PAPPA2: variants seen among roughly 807,000 people sequenced by gnomAD.
PAPPA2 encodes pappalysin-2.
PAPPA2 carries 86 observed loss-of-function variants against 176.4 expected under a neutral mutation model. The ratio of observed to expected loss-of-function variants is 0.49; its 90% confidence interval spans 0.41 to 0.58. PAPPA2 has a LOEUF of 0.58. Among genes scored for constraint, PAPPA2 ranks in the 20% least tolerant of loss-of-function variants. PAPPA2 has a pLI of 0.00. For synonymous variants in PAPPA2, 809 were observed against 852.2 expected, an observed-to-expected ratio of 0.95 and a Z score of 0.88; for missense variants, 2,073 against 2,256.9, an observed-to-expected ratio of 0.92 and a Z score of 1.65.
chr1:176,762,172 GA>G (rs1397035137), intron 14 of PAPPA2, among the ~76,000 whole-genome samples: 1 of 151,262 alleles, frequency 6.6e-6, no homozygotes, highest in African/African-American at 2.4e-5. Context: ...GAAGCAAATG[GA>G]AATATAAGCT....
chr1:176,514,794 G>C (rs760689954), intron 1 of PAPPA2, among the ~76,000 whole-genome samples: 1 of 152,342 alleles, frequency 6.6e-6, no homozygotes, highest in East Asian at 1.9e-4. Context: ...GCAGAAATGC[G>C]ATGACAAAGC....
chr1:176,790,167 G>A (rs1020661051), intron 18 of PAPPA2, among the ~76,000 whole-genome samples, 190 bp downstream of exon 18: 9 of 152,172 alleles, frequency 5.9e-5, no homozygotes, highest in Non-Finnish European at 1.3e-4. Flanking sequence ...TCTCTCCTGA[G>A]TTCAGAACTT....
intron 4 of PAPPA2, among the ~76,000 whole-genome samples, chr1:176,682,164 G>A (rs564954374): frequency 1.1e-4 from 17 of 152,306 alleles, no homozygotes; most frequent in African/African-American, 4.1e-4. Flanking sequence ...ACTATCCACT[G>A]ATATAGTAAG....
At chr1:176,607,485 G>A (rs1270949272) in intron 3 of PAPPA2, among the ~76,000 whole-genome samples, 2 of 152,148 alleles carry the variant, frequency 1.3e-5, no homozygotes, top group African/African-American at 4.8e-5. Context: ...GTCTGAGTTA[G>A]TTCACTTAAT....
At chr1:176,771,490 A>G (rs912649670) in intron 17 of PAPPA2, among the ~76,000 whole-genome samples, 1 of 152,184 alleles carries the variant, frequency 6.6e-6, no homozygotes, top group African/African-American at 2.4e-5. Flanking sequence ...CCAGTTTACA[A>G]TTGCAGGCCT....
chr1:176,490,924 C>T (rs1036928193), intron 1 of PAPPA2, among the ~76,000 whole-genome samples: 4 of 152,206 alleles, frequency 2.6e-5, no homozygotes, highest in Admixed American at 6.5e-5. Flanking sequence ...TATGGACTAA[C>T]TTACCTACCA....
At chr1:176,531,524 C>T (rs780154539) in intron 1 of PAPPA2, among the ~76,000 whole-genome samples, 2 of 152,178 alleles carry the variant, frequency 1.3e-5, no homozygotes, top group Non-Finnish European at 2.9e-5. Flanking sequence ...TAGTATTTGT[C>T]TGTTTCAAGT....
intron 7 of PAPPA2, among the ~76,000 whole-genome samples, chr1:176,697,451 CTT>C (rs1660438247): frequency 6.6e-6 from 1 of 152,102 alleles, no homozygotes; most frequent in Admixed American, 6.6e-5. Context: ...AAATACTAGT[CTT>C]TGCTTTGAAA....
chr1:176,835,033 T>A (rs1667220300), intron 21 of PAPPA2, among the ~76,000 whole-genome samples: 1 of 152,162 alleles, frequency 6.6e-6, no homozygotes, highest in Non-Finnish European at 1.5e-5. Context: ...TGACCATTTC[T>A]TTGTCTCTGT....
chr1:176,551,356 C>T (rs79121489), intron 1 of PAPPA2, among the ~76,000 whole-genome samples: 3,466 of 152,226 alleles, frequency 0.023, 49 homozygotes, highest in Middle Eastern at 0.041. Context: ...ATATAGATTC[C>T]GCATTTGGTT....
chr1:176,764,654 T>C (rs891004331), intron 14 of PAPPA2, among the ~76,000 whole-genome samples: 15 of 151,220 alleles, frequency 9.9e-5, no homozygotes, highest in African/African-American at 3.7e-4. Flanking sequence ...TGGAGTGCAG[T>C]GGCGAGATCT....
intron 1 of PAPPA2, among the ~76,000 whole-genome samples, chr1:176,550,262 C>T (rs1232217741): frequency 2.0e-5 from 3 of 152,130 alleles, no homozygotes; most frequent in Non-Finnish European, 4.4e-5. Flanking sequence ...TTTGCATTCA[C>T]GTTGTTGTGG....
At chr1:176,731,572 A>G (rs1662143587) in intron 12 of PAPPA2, among the ~76,000 whole-genome samples, 1 of 151,990 alleles carries the variant, frequency 6.6e-6, no homozygotes, top group African/African-American at 2.4e-5. Context: ...TCAACCTCCT[A>G]AAGTGCTGGA....
In PAPPA2 at chr1:176,667,637, C is replaced by A. The variant is rs145277769; in HGVS notation, c.1992-3333C>A. On this transcript the variant is annotated intron_variant, in intron 3 of 22. Transcript: ENST00000367662. ...AGGAAGAGGCAGTGCAGTCAGGCTC[C>A]TCCTCTGGAGTGGGTTTGCTCTGAC... Among the ~76,000 whole-genome samples the A allele has an allele frequency of 2.6e-5, 4 of 152,208 alleles. No individual in the cohort carries two copies. In the South Asian group the frequency reaches 8.3e-4, roughly 32 times the overall value.
At chr1:176,767,949 G>A (rs73048125) in intron 15 of PAPPA2, among the ~76,000 whole-genome samples, 153 of 152,302 alleles carry the variant, frequency 1.0e-3, no homozygotes, top group African/African-American at 3.5e-3. Context: ...GGGTCCTTCT[G>A]GCAAGCAATG....
At chr1:176,537,530 T>G (rs1307635224) in intron 1 of PAPPA2, among the ~76,000 whole-genome samples, 2 of 152,236 alleles carry the variant, frequency 1.3e-5, no homozygotes, top group African/African-American at 4.8e-5. Context: ...TTAAAATTCC[T>G]ACACATGTGC....
chr1:176,564,196 A>T (rs1651828468), intron 2 of PAPPA2, among the ~76,000 whole-genome samples: 1 of 152,204 alleles, frequency 6.6e-6, no homozygotes, highest in Admixed American at 6.5e-5. Flanking sequence ...CTGCATTTCT[A>T]ACAGGCTTCA....
At chr1:176,612,748 A>C (rs1259599662) in intron 3 of PAPPA2, among the ~76,000 whole-genome samples, 1 of 152,200 alleles carries the variant, frequency 6.6e-6, no homozygotes, top group African/African-American at 2.4e-5. Flanking sequence ...TTAAAGAATC[A>C]GTTTTGATTC....
intron 12 of PAPPA2, among the ~76,000 whole-genome samples, chr1:176,725,884 G>C (rs979858499): frequency 6.6e-6 from 1 of 152,074 alleles, no homozygotes; most frequent in Admixed American, 6.5e-5. Flanking sequence ...GGGTTCACAC[G>C]TTCTCCCGCC....
Sources: gnomAD v4.1 joint callset for allele counts (sites outside exome capture counted in the v4.1 genomes callset) on GRCh38, gnomAD v4.1.1 for gene constraint, MANE v1.5 for transcripts, NCBI Gene and HGNC (gene_info 2026-07-23, HGNC 2026-07-21) for gene names.